The following RAB1A variants were observed in gnomAD, a reference collection of about 807,000 sequenced individuals.
The protein encoded by RAB1A is RAB1A, member RAS oncogene family.
In RAB1A, 2 loss-of-function variants were observed where a neutral mutation model predicts 26.0. The ratio of observed to expected loss-of-function variants is 0.08; its 90% CI spans 0.03 to 0.24. RAB1A has a LOEUF of 0.24. RAB1A is among the 10% of genes least tolerant of loss of function. The pLI is 1.00. For missense variants in RAB1A, 100 were observed against 247.0 expected (o/e 0.40, Z 3.99); for synonymous variants, 84 against 84.9 (o/e 0.99, Z 0.06).
chr2:65,119,717 A>G (rs1473898962), intron 1 of RAB1A, among the ~76,000 whole-genome samples: 1 of 151,484 alleles, frequency 6.6e-6, no homozygotes, highest in East Asian at 1.9e-4. Flanking sequence ...AGTAGAGAAT[A>G]AGCTCAGCCT....
chr2:65,089,358 A>C (rs1176323227), intron 4 of RAB1A, among the ~76,000 whole-genome samples: 1 of 151,952 alleles, frequency 6.6e-6, no homozygotes, highest in Non-Finnish European at 1.5e-5. Flanking sequence ...GACTACAGGC[A>C]CATGCCACCA....
Position 65,121,380 on chromosome 2 carries a change from A to C in RAB1A, c.23+8513T>G, listed in dbSNP as rs137908752. ...TGCATATTTAACACTACTTGTCCTA[A>C]TTAGGAAATCTACAAGCATAGAACA... On this transcript the variant is annotated intron_variant, in intron 1 of 5. Transcript: ENST00000409784. 7.2e-4 allele frequency among the ~76,000 whole-genome samples: 109 copies of C among 152,294 alleles called. No individual in the cohort carries two copies. In the Middle Eastern group the frequency reaches 0.01, roughly 14 times the overall value.
At chr2:65,110,133 AC>A (rs1410329845) in intron 1 of RAB1A, among the ~76,000 whole-genome samples, 13 of 152,282 alleles carry the variant, frequency 8.5e-5, no homozygotes, top group Admixed American at 7.9e-4. Flanking sequence ...TGATGACAGC[AC>A]CTCATGTTAA....
chr2:65,090,962 C>A (rs764686330), intron 4 of RAB1A, 21 bp downstream of exon 4: 2 of 1,552,248 alleles, frequency 1.3e-6, no homozygotes, highest in African/African-American at 2.7e-5. Flanking sequence ...CACTGTAACA[C>A]AATCTCCTCT....
At chr2:65,107,100 C>G (rs907169765) in intron 1 of RAB1A, among the ~76,000 whole-genome samples, 4 of 151,206 alleles carry the variant, frequency 2.6e-5, no homozygotes, top group Non-Finnish European at 4.4e-5. Flanking sequence ...GAGTCTCGCT[C>G]TGTTGCCCAG....
In RAB1A at chr2:65,095,973, G is replaced by A. The variant is rs985028826; in HGVS notation, c.192+1998C>T. ...TCGAGACCAGCCTAACCAACATGGT[G>A]AAACTCTGTCTCTACTAAAAATACA... On this transcript the variant is annotated intron_variant, in intron 3 of 5. Transcript: ENST00000409784. Among the ~76,000 whole-genome samples, 3 of 151,964 alleles carry A rather than the reference G, an allele frequency of 2.0e-5. No homozygotes were observed. The South Asian group carries it at 6.2e-4, about 32-fold the overall frequency.
chr2:65,090,834 G>T (rs568718723), intron 4 of RAB1A, 149 bp downstream of exon 4: 2 of 453,138 alleles, frequency 4.4e-6, no homozygotes, highest in Non-Finnish European at 7.8e-6. Context: ...TCTTTTAAGT[G>T]ATTCACATTT....
At chr2:65,109,869 C>G (rs1220845297) in intron 1 of RAB1A, among the ~76,000 whole-genome samples, 2 of 152,134 alleles carry the variant, frequency 1.3e-5, no homozygotes, top group African/African-American at 4.8e-5. Context: ...TTTCTACCCT[C>G]GAGAAGTTTG....
At chr2:65,119,265 G>C (rs1415093894) in intron 1 of RAB1A, among the ~76,000 whole-genome samples, 1 of 151,802 alleles carries the variant, frequency 6.6e-6, no homozygotes. Flanking sequence ...CAGCACTTTG[G>C]GAGGCCAAGG....
chr2:65,113,966 A>T (rs1669763668), intron 1 of RAB1A, among the ~76,000 whole-genome samples: 1 of 152,206 alleles, frequency 6.6e-6, no homozygotes, highest in African/African-American at 2.4e-5. Context: ...TGAAAGGAGG[A>T]GAAAAGCGTT....
chr2:65,112,993 G>A (rs1026791280), intron 1 of RAB1A, among the ~76,000 whole-genome samples: 5 of 152,104 alleles, frequency 3.3e-5, no homozygotes, highest in African/African-American at 1.2e-4. Flanking sequence ...AGGATCATTT[G>A]AGCCCAAGAG....
At chr2:65,096,089 G>A (rs1024775415) in intron 3 of RAB1A, among the ~76,000 whole-genome samples, 13 of 152,210 alleles carry the variant, frequency 8.5e-5, no homozygotes, top group South Asian at 4.1e-4. Context: ...GGAGGCGGAG[G>A]CTGCAGCGAG....
chr2:65,122,499 C>T (rs1207702592), intron 1 of RAB1A, among the ~76,000 whole-genome samples: 1 of 151,746 alleles, frequency 6.6e-6, no homozygotes, highest in African/African-American at 2.4e-5. Context: ...GAGTTGGAGG[C>T]TATAGTAAGT....
rs565851138 is a variant in RAB1A, at chr2:65,123,012, T to C, written c.23+6881A>G. Among the ~76,000 whole-genome samples, 4 of 146,272 alleles carry C rather than the reference T, an allele frequency of 2.7e-5. No homozygotes were observed. In the East Asian group the frequency reaches 8.0e-4, roughly 29 times the overall value. ...AAAAAAAAAGCAAGCTCTTCTTTAC[T>C]ATCCAAAATAAAACTGAACTATTCA... On this transcript the variant is annotated intron_variant, in intron 1 of 5. Coordinates refer to ENST00000409784, the MANE Select transcript of RAB1A (RefSeq NM_004161.5).
chr2:65,109,831 G>A (rs1245930103), intron 1 of RAB1A, among the ~76,000 whole-genome samples: 1 of 151,810 alleles, frequency 6.6e-6, no homozygotes, highest in African/African-American at 2.4e-5. Flanking sequence ...CTAGCTTTTT[G>A]TAGTTCTAAT....
At chr2:65,118,154 A>G (rs1049667781) in intron 1 of RAB1A, among the ~76,000 whole-genome samples, 1 of 152,184 alleles carries the variant, frequency 6.6e-6, no homozygotes, top group Admixed American at 6.5e-5. Flanking sequence ...ACAAGCATCA[A>G]GTGTTCTGGA....
In RAB1A at chr2:65,097,973, T is replaced by C. The variant is rs1444270855; in HGVS notation, c.190A>G (p.Ile64Val). ...AAATTACTAGCCAAGTCACTTACTATTTGAAGCTTGATTGTTTTCCCGTCT... is the reference window on the plus strand; with the variant it reads ...AAATTACTAGCCAAGTCACTTACTACTTGAAGCTTGATTGTTTTCCCGTCT... ...ELDGKTIKLQIWDTAGQERFR... is the reference protein window; with the variant it reads ...ELDGKTIKLQVWDTAGQERFR... The change falls in exon 3 of 6, where the codon ATA becomes GTA. Residue 64 changes from isoleucine (I) to valine (V), a missense_variant and splice_region_variant. This residue lies in a region of RAB1A where 33 missense variants were observed against 124.2 expected (regional missense o/e 0.27). Transcript: ENST00000409784. The C allele has an allele frequency of 1.3e-6, 2 of 1,531,168 alleles. No individual in the cohort carries two copies. The highest frequency in any genetic ancestry group is 1.8e-6 in the Non-Finnish European group (2 of 1,126,392). 94.8% of individuals were successfully genotyped at this position (1,531,168 alleles called of 1,614,324 possible).
At chr2:65,091,206 T>G (rs932243897) in intron 3 of RAB1A, 128 bp from the exon 4 acceptor site, 2 of 679,634 alleles carry the variant, frequency 2.9e-6, no homozygotes, top group Non-Finnish European at 5.0e-6. Flanking sequence ...ATAGAAACAT[T>G]AGTCCTCAAC....
chr2:65,110,894 C>G (rs1237983027), intron 1 of RAB1A, among the ~76,000 whole-genome samples: 1 of 151,570 alleles, frequency 6.6e-6, no homozygotes, highest in Non-Finnish European at 1.5e-5. Context: ...TATGAACTCA[C>G]TACTGCATTC....
Sources: allele counts gnomAD v4.1 joint callset (sites outside exome capture counted in the v4.1 genomes callset), GRCh38; gene constraint gnomAD v4.1.1; regional missense constraint gnomAD v4.1.1; transcripts MANE v1.5; gene names NCBI Gene and HGNC (gene_info 2026-07-23, HGNC 2026-07-21).